Variants in SVOPL observed in about 807,000 individuals in gnomAD.
The protein encoded by SVOPL is putative transporter SVOPL.
In SVOPL, 60 loss-of-function variants were observed where a neutral mutation model predicts 61.0. The observed-to-expected ratio is 0.98, with a 90% CI of 0.80 to 1.22. SVOPL has a LOEUF of 1.22. Among genes scored for constraint, SVOPL ranks in the 50% most tolerant of loss-of-function variants. The probability of loss-of-function intolerance (pLI) is 0.00; values close to 1 mark genes in which losing one functional copy is unlikely to be tolerated. For missense variants in SVOPL, 662 were observed against 643.9 expected (o/e 1.03, Z -0.30); for synonymous variants, 279 against 250.0 (o/e 1.12, Z -1.09).
intron 9 of SVOPL, among the ~76,000 whole-genome samples, chr7:138,634,370 C>T (rs1800363536): frequency 6.6e-6 from 1 of 151,836 alleles, no homozygotes; most frequent in Non-Finnish European, 1.5e-5. Context: ...AAGGCAGGCA[C>T]GGTGGCTCAC....
chr7:138,670,848 C>T (rs1802397040), intron 4 of SVOPL, among the ~76,000 whole-genome samples: 1 of 152,080 alleles, frequency 6.6e-6, no homozygotes, highest in Admixed American at 6.6e-5. Flanking sequence ...GAAAACTGAC[C>T]ACATCCTTCC....
chr7:138,660,850 G>A, intron 5 of SVOPL: 10 of 984,206 alleles, frequency 1.0e-5, no homozygotes, highest in African/African-American at 1.7e-5. Context: ...TATAGTAAGG[G>A]TGTCTATATA....
At chr7:138,664,733 CCT>C (rs1004419750) in intron 4 of SVOPL, among the ~76,000 whole-genome samples, 2 of 150,748 alleles carry the variant, frequency 1.3e-5, no homozygotes, top group Non-Finnish European at 3.0e-5. Flanking sequence ...GCCGCTGACC[CCT>C]GATCCTCTCT....
chr7:138,673,967 T>G (rs1289167699), intron 3 of SVOPL, among the ~76,000 whole-genome samples: 1 of 148,424 alleles, frequency 6.7e-6, no homozygotes, highest in Non-Finnish European at 1.5e-5. Flanking sequence ...GGCAGATCAC[T>G]TGAGGTCAGG....
Position 138,662,825 on chromosome 7 carries a change from A to C in SVOPL, c.345+249T>G, listed in dbSNP as rs887540985. On this transcript the variant is annotated intron_variant, in intron 5 of 15. Coordinates refer to ENST00000674285, the MANE Select transcript of SVOPL (RefSeq NM_001139456.2). ...TAATCCTTCTGGGTAGAGATTTCTT[A>C]GAACTCTATAATACCCGCATCTCCT... is the stretch of plus-strand genomic sequence containing the variant. 6 of 1,320,836 alleles carry C rather than the reference A, an allele frequency of 4.5e-6. No individual in the cohort carries two copies. The South Asian group carries it at 8.1e-5, about 18-fold the overall frequency. 81.8% of individuals were successfully genotyped at this position (1,320,836 alleles called of 1,614,324 possible). A position where few individuals can be genotyped will look rare whatever the true frequency, so the allele number is the denominator to read the frequency against.
chr7:138,652,567 C>G (rs761748043), intron 7 of SVOPL, among the ~76,000 whole-genome samples: 15 of 152,138 alleles, frequency 9.9e-5, no homozygotes, highest in Non-Finnish European at 1.8e-4. Context: ...AAGCCAAAAG[C>G]TAGGCCTGTC....
intron 14 of SVOPL, among the ~76,000 whole-genome samples, chr7:138,601,396 T>C (rs1003461522): frequency 4.6e-5 from 7 of 152,008 alleles, no homozygotes; most frequent in African/African-American, 1.4e-4. Context: ...TAAAGTGTGA[T>C]ATATACATAC....
At chr7:138,599,796 G>A (rs553441227) in intron 14 of SVOPL, among the ~76,000 whole-genome samples, 3 of 151,640 alleles carry the variant, frequency 2.0e-5, no homozygotes, top group Admixed American at 6.6e-5. Context: ...GCTGAGACAG[G>A]AGAATTGCTT....
At chr7:138,685,555 C>T (rs1024660279) in intron 1 of SVOPL, among the ~76,000 whole-genome samples, 4 of 152,086 alleles carry the variant, frequency 2.6e-5, no homozygotes, top group Non-Finnish European at 4.4e-5. Flanking sequence ...TGGTATCATG[C>T]GCTTAAAATT....
intron 14 of SVOPL, among the ~76,000 whole-genome samples, chr7:138,618,524 G>A (rs955660755): frequency 6.6e-6 from 1 of 152,122 alleles, no homozygotes; most frequent in Non-Finnish European, 1.5e-5. Flanking sequence ...AGCCAAGAGC[G>A]GTGGTGGGTG....
chr7:138,614,892 C>T (rs1799222443), intron 14 of SVOPL, among the ~76,000 whole-genome samples: 1 of 152,056 alleles, frequency 6.6e-6, no homozygotes, highest in South Asian at 2.1e-4. Flanking sequence ...CTTTTCAATG[C>T]TTTTTTTGGA....
intron 1 of SVOPL, among the ~76,000 whole-genome samples, chr7:138,698,648 G>A (rs1238219261): frequency 6.6e-6 from 1 of 152,172 alleles, no homozygotes; most frequent in Non-Finnish European, 1.5e-5. Flanking sequence ...TCTGGTCTCT[G>A]TTACTTGCAG....
At chr7:138,646,446 C>T (rs1375612463) in intron 8 of SVOPL, 2 of 178,298 alleles carry the variant, frequency 1.1e-5, no homozygotes, top group Non-Finnish European at 2.5e-5. Flanking sequence ...TTGTGTAGGT[C>T]ATTTTGGTGA....
chr7:138,616,797 GTTTA>G (rs1400135249), intron 14 of SVOPL, among the ~76,000 whole-genome samples: 2 of 150,008 alleles, frequency 1.3e-5, no homozygotes, highest in African/African-American at 5.1e-5. Context: ...TAATTAATTT[GTTTA>G]TTTATGACAG....
intron 4 of SVOPL, among the ~76,000 whole-genome samples, chr7:138,671,116 C>T (rs190212997): frequency 9.2e-4 from 140 of 152,172 alleles, no homozygotes; most frequent in African/African-American, 2.7e-3. Context: ...ATGTGTTTGG[C>T]CCAATGTTGG....
intron 1 of SVOPL, among the ~76,000 whole-genome samples, chr7:138,689,856 C>A (rs1053707812): frequency 8.9e-3 from 946 of 106,050 alleles, no homozygotes; most frequent in African/African-American, 0.01. Flanking sequence ...GACTCCGTCT[C>A]AAAAAAAAAA....
intron 9 of SVOPL, among the ~76,000 whole-genome samples, chr7:138,640,884 C>T (rs1394879740): frequency 6.6e-6 from 1 of 152,062 alleles, no homozygotes; most frequent in Non-Finnish European, 1.5e-5. Context: ...ATGTAACAAA[C>T]CCACACATGT....
Position 138,641,834 on chromosome 7 carries a change from A to ATAT in SVOPL, c.789+2882_789+2883insATA, listed in dbSNP as rs1554464902. Among the ~76,000 whole-genome samples, 89 of 29,470 alleles carry ATAT rather than the reference A, an allele frequency of 3.0e-3. 2 individuals are homozygous for ATAT. The highest frequency in any genetic ancestry group is 9.2e-3 in the South Asian group (4 of 436). 19.3% of individuals were successfully genotyped at this position (29,470 alleles called of 152,430 possible). A position where few individuals can be genotyped will look rare whatever the true frequency, so the allele number is the denominator to read the frequency against. ...ATATGTTATATATATATATATATAT[A>ATAT]ACATATATATATAACATATATATAG... is the stretch of plus-strand genomic sequence containing the variant. On this transcript the variant is annotated intron_variant, in intron 9 of 15. Coordinates refer to ENST00000674285, the MANE Select transcript of SVOPL (RefSeq NM_001139456.2).
chr7:138,627,003 C>T (rs182955844), intron 12 of SVOPL, among the ~76,000 whole-genome samples: 7 of 152,290 alleles, frequency 4.6e-5, no homozygotes, highest in African/African-American at 1.7e-4. Flanking sequence ...AGCACACTGT[C>T]TGTATTACTA....
Sources: allele counts gnomAD v4.1 joint callset (sites outside exome capture counted in the v4.1 genomes callset), GRCh38; gene constraint gnomAD v4.1.1; transcripts MANE v1.5; gene names NCBI Gene and HGNC (gene_info 2026-07-23, HGNC 2026-07-21).